The following CAST variants were observed in gnomAD, a reference collection of about 807,000 sequenced individuals.
CAST encodes the protein MIR583 host.
A neutral mutation model predicts 119.6 loss-of-function variants in CAST; 76 were observed. The observed-to-expected ratio is 0.64, with a 90% CI of 0.53 to 0.77. The LOEUF is 0.77. CAST is among the 30% of genes least tolerant of loss of function. The pLI, the probability that CAST is intolerant of heterozygous loss-of-function variation, is 0.00. For synonymous variants in CAST, 319 were observed against 331.6 expected (o/e 0.96, Z 0.41); for missense variants, 953 against 946.5 (o/e 1.01, Z -0.09).
At chr5:96,455,346 A>G in the CAST span, among the ~76,000 whole-genome samples, 1 of 152,250 alleles carries the variant, frequency 6.6e-6, no homozygotes, top group African/African-American at 2.4e-5. Flanking sequence ...CTCAGTAATT[A>G]GATGCTATCA....
the CAST span, among the ~76,000 whole-genome samples, chr5:96,047,384 G>A: frequency 6.6e-6 from 1 of 151,970 alleles, no homozygotes; most frequent in Non-Finnish European, 1.5e-5. Context: ...CTTTATTTTT[G>A]AAGTGTTTGT....
the CAST span, among the ~76,000 whole-genome samples, chr5:96,409,415 G>T: frequency 6.6e-6 from 1 of 152,134 alleles, no homozygotes; most frequent in Non-Finnish European, 1.5e-5. Context: ...ACCTGTTGAC[G>T]CAAGCAAGCC....
At chr5:96,536,707 G>C (rs139749999) in intron 1 of CAST, among the ~76,000 whole-genome samples, 1 of 152,152 alleles carries the variant, frequency 6.6e-6, no homozygotes, top group Non-Finnish European at 1.5e-5. Flanking sequence ...TATTAAATCT[G>C]TGCATTATGA....
At chr5:96,162,653 G>A in the CAST span, among the ~76,000 whole-genome samples, 1 of 152,194 alleles carries the variant, frequency 6.6e-6, no homozygotes, top group South Asian at 2.1e-4. Context: ...CCTGACCCGA[G>A]GTAATCCATC....
chr5:96,045,900 C>A, the CAST span, among the ~76,000 whole-genome samples: 1 of 152,090 alleles, frequency 6.6e-6, no homozygotes, highest in Non-Finnish European at 1.5e-5. Context: ...AAAAATAAAT[C>A]ACAGTATGGA....
intron 9 of CAST, among the ~76,000 whole-genome samples, chr5:96,734,185 T>C (rs985978894): frequency 1.3e-5 from 2 of 152,098 alleles, no homozygotes; most frequent in African/African-American, 4.8e-5. Context: ...CCAACGTGGG[T>C]GAAGCACAGA....
At chr5:96,144,371 C>G in the CAST span, among the ~76,000 whole-genome samples, 3 of 152,252 alleles carry the variant, frequency 2.0e-5, no homozygotes, top group East Asian at 5.8e-4. Flanking sequence ...CCTGCCCTTT[C>G]TTTAGCACTT....
At chr5:95,965,540 T>C in the CAST span, among the ~76,000 whole-genome samples, 1 of 152,314 alleles carries the variant, frequency 6.6e-6, no homozygotes, top group South Asian at 2.1e-4. Context: ...AAAGAGAACA[T>C]AGAACCTTAT....
At chr5:96,451,986 A>C in the CAST span, among the ~76,000 whole-genome samples, 2 of 152,216 alleles carry the variant, frequency 1.3e-5, no homozygotes, top group African/African-American at 2.4e-5. Flanking sequence ...AAAAGTCAGG[A>C]AACAACAGAT....
chr5:96,373,518 G>A, the CAST span, among the ~76,000 whole-genome samples: 1 of 152,148 alleles, frequency 6.6e-6, no homozygotes, highest in Admixed American at 6.5e-5. Flanking sequence ...GTTTTCCTCT[G>A]TTACTGAGGT....
intron 1 of CAST, among the ~76,000 whole-genome samples, chr5:96,632,348 AT>A (rs1471259370): frequency 2.0e-5 from 3 of 150,852 alleles, no homozygotes; most frequent in Non-Finnish European, 4.4e-5. Context: ...AAATTTTTTA[AT>A]TTTGATGAAG....
upstream of CAST, among the ~76,000 whole-genome samples, chr5:96,658,392 C>T (rs1748193577): frequency 6.6e-6 from 1 of 152,056 alleles, no homozygotes; most frequent in Admixed American, 6.6e-5. Context: ...ATGAGTACAT[C>T]AGCGTGAATT....
the CAST span, among the ~76,000 whole-genome samples, chr5:96,068,039 A>G: frequency 6.6e-6 from 1 of 152,264 alleles, no homozygotes; most frequent in South Asian, 2.1e-4. Context: ...TCTGGGAATA[A>G]AGGTGTCAGG....
At chr5:95,984,528 G>A in the CAST span, among the ~76,000 whole-genome samples, 3 of 152,130 alleles carry the variant, frequency 2.0e-5, no homozygotes, top group Non-Finnish European at 2.9e-5. Context: ...CAGGGAAATA[G>A]CACTGGTATT....
the CAST span, among the ~76,000 whole-genome samples, chr5:96,115,100 A>G: frequency 6.6e-6 from 1 of 152,216 alleles, no homozygotes; most frequent in Non-Finnish European, 1.5e-5. Flanking sequence ...GATCATAACT[A>G]TTGCTTGCAT....
At chr5:96,490,731 C>G in the CAST span, among the ~76,000 whole-genome samples, 6 of 151,942 alleles carry the variant, frequency 3.9e-5, no homozygotes, top group South Asian at 1.2e-3. Context: ...CTACCTGATA[C>G]TACTAAAAAA....
At chr5:96,528,401 G>GC (rs772836465), upstream of CAST, among the ~76,000 whole-genome samples, 13 of 152,210 alleles carry the variant, frequency 8.5e-5, no homozygotes, top group East Asian at 5.8e-4. Context: ...GCAACCATTG[G>GC]CCCCCCTTCC....
At chr5:96,020,128 C>A in the CAST span, among the ~76,000 whole-genome samples, 1 of 152,148 alleles carries the variant, frequency 6.6e-6, no homozygotes, top group East Asian at 1.9e-4. Context: ...GGCAAAGTCA[C>A]ACAGCTGGAA....
the CAST span, among the ~76,000 whole-genome samples, chr5:95,963,480 G>A: frequency 6.6e-6 from 1 of 152,232 alleles, no homozygotes; most frequent in East Asian, 1.9e-4. Flanking sequence ...TAGCTGTTAA[G>A]ACGTGATTAA....
Sources: gnomAD v4.1 joint callset for allele counts (sites outside exome capture counted in the v4.1 genomes callset) on GRCh38, gnomAD v4.1.1 for gene constraint, MANE v1.5 for transcripts, NCBI Gene and HGNC (gene_info 2026-07-23, HGNC 2026-07-21) for gene names.